BLACAT1: variants seen among roughly 807,000 people sequenced by gnomAD.
BLACAT1 encodes the protein BLACAT1 overlapping LEMD1 locus.
intron 1 of BLACAT1, among the ~76,000 whole-genome samples, chr1:205,452,398 A>G (rs1175902637): frequency 6.6e-6 from 1 of 152,216 alleles, no homozygotes; most frequent in Non-Finnish European, 1.5e-5. Context: ...AGAAAGTCAC[A>G]GAGGGAAGGG....
At chr1:205,438,515 A>G (rs553793993), downstream of BLACAT1, among the ~76,000 whole-genome samples, 1 of 152,334 alleles carries the variant, frequency 6.6e-6, no homozygotes, top group East Asian at 1.9e-4. Context: ...AGAGGAGGGC[A>G]CAGGTGTCCA....
intron 1 of BLACAT1, among the ~76,000 whole-genome samples, chr1:205,443,490 CAGAGG>C (rs1204712535): frequency 6.6e-6 from 1 of 152,118 alleles, no homozygotes; most frequent in Non-Finnish European, 1.5e-5. Flanking sequence ...ACCTACACAT[CAGAGG>C]AAAGGAGAGC....
chr1:205,450,128 G>A lies in BLACAT1; in HGVS notation c.-37+5789C>T, dbSNP rs1389593106. 6.6e-6 allele frequency among the ~76,000 whole-genome samples: 1 copy of A among 152,078 alleles called. No homozygotes were observed. The highest frequency in any genetic ancestry group is 1.5e-5 in the Non-Finnish European group (1 of 67,998). On this transcript the variant is annotated intron_variant, in intron 1 of 1. Transcript: ENST00000629624. The surrounding 1 kb of genome is among the most constrained non-coding windows in gnomAD (Gnocchi z 4.4). ...TGGGGGTGGGGGTGGGGGCGGGCTGGGCAGGCGGGGCAGCCAGGTATTCCT... is the reference window on the plus strand; with the variant it reads ...TGGGGGTGGGGGTGGGGGCGGGCTGAGCAGGCGGGGCAGCCAGGTATTCCT...
intron 1 of BLACAT1, among the ~76,000 whole-genome samples, chr1:205,451,896 T>C (rs1666502119): frequency 6.6e-6 from 1 of 152,008 alleles, no homozygotes; most frequent in South Asian, 2.1e-4. Flanking sequence ...GATGGGCATT[T>C]TTTGCTCTTA....
intron 1 of BLACAT1, among the ~76,000 whole-genome samples, chr1:205,449,570 A>AACAGCACAGC (rs1200218042): frequency 1.3e-5 from 2 of 152,096 alleles, no homozygotes; most frequent in East Asian, 1.9e-4. Context: ...ATTCCCCAAC[A>AACAGCACAGC]ACAGCACAGC....
intron 1 of BLACAT1, among the ~76,000 whole-genome samples, chr1:205,446,935 TC>T (rs1205844379): frequency 6.6e-6 from 1 of 151,618 alleles, no homozygotes; most frequent in Non-Finnish European, 1.5e-5. Context: ...ATCCCCCCGC[TC>T]CCCCCGACCT....
chr1:205,447,585 G>A (rs1355081156), intron 1 of BLACAT1, among the ~76,000 whole-genome samples: 1 of 152,020 alleles, frequency 6.6e-6, no homozygotes, highest in Non-Finnish European at 1.5e-5. Context: ...GGGGGCAGGG[G>A]AAGGAATGTG....
intron 1 of BLACAT1, among the ~76,000 whole-genome samples, chr1:205,446,482 T>A (rs956540848): frequency 6.6e-6 from 1 of 152,198 alleles, no homozygotes; most frequent in African/African-American, 2.4e-5. Context: ...AGGTATAATC[T>A]CTGGAATGGC....
chr1:205,450,129 G>T lies in BLACAT1; in HGVS notation c.-37+5788C>A, dbSNP rs1313072654. ...GGGGGTGGGGGTGGGGGCGGGCTGG[G>T]CAGGCGGGGCAGCCAGGTATTCCTT... On this transcript the variant is annotated intron_variant, in intron 1 of 1. Coordinates refer to ENST00000629624, the Ensembl canonical transcript of BLACAT1. This position sits in a 1 kb window ranked among gnomAD's most constrained non-coding sequence, Gnocchi z 4.4. Among the ~76,000 whole-genome samples, 1 of 152,120 alleles carries T rather than the reference G, an allele frequency of 6.6e-6. No homozygotes were observed. The highest frequency in any genetic ancestry group is 1.5e-5 in the Non-Finnish European group (1 of 67,990).
chr1:205,454,118 AT>A (rs1478831430), intron 1 of BLACAT1, among the ~76,000 whole-genome samples: 1 of 152,134 alleles, frequency 6.6e-6, no homozygotes, highest in Non-Finnish European at 1.5e-5. Flanking sequence ...GACACCACTC[AT>A]TTATCAAATA....
rs1666445680 is a variant in BLACAT1 at position 205,448,703 on chromosome 1, C to A, written c.-37+7214G>T. ...ATTCCCTTAATTAGCTTCCAGCCCC[C>A]TGCCCAGGGTCCTTAACTACCCCTT... On this transcript the variant is annotated intron_variant, in intron 1 of 1. Coordinates refer to ENST00000629624, the Ensembl canonical transcript of BLACAT1. The surrounding 1 kb of genome is among the most constrained non-coding windows in gnomAD (Gnocchi z 4.7). Among the ~76,000 whole-genome samples the A allele has an allele frequency of 6.6e-6, 1 of 152,154 alleles. No homozygotes were observed. The highest frequency in any genetic ancestry group is 2.4e-5 in the African/African-American group (1 of 41,428).
intron 1 of BLACAT1, among the ~76,000 whole-genome samples, chr1:205,446,378 A>C (rs1666389662): frequency 6.6e-6 from 1 of 152,080 alleles, no homozygotes; most frequent in Non-Finnish European, 1.5e-5. Context: ...TACCTCTTTT[A>C]CCCCATCCAT....
chr1:205,453,831 C>A (rs1410147425), intron 1 of BLACAT1, among the ~76,000 whole-genome samples: 2 of 152,192 alleles, frequency 1.3e-5, no homozygotes, highest in Non-Finnish European at 2.9e-5. Flanking sequence ...TTTTGCCTCT[C>A]AGCCAATAAA....
At chr1:205,454,622 G>A (rs1666540919) in intron 1 of BLACAT1, among the ~76,000 whole-genome samples, 1 of 152,192 alleles carries the variant, frequency 6.6e-6, no homozygotes, top group East Asian at 1.9e-4. Flanking sequence ...AGCCGGCATT[G>A]AATGACTGAG....
exon 3 of BLACAT1, chr1:205,434,887 A>G (rs1666180371): frequency 6.6e-6 from 1 of 152,244 alleles, no homozygotes; most frequent in Admixed American, 6.5e-5. Flanking sequence ...GCAAAGGGAT[A>G]TAATAAAGTC....
intron 1 of BLACAT1, among the ~76,000 whole-genome samples, chr1:205,454,021 A>G (rs897315706): frequency 1.3e-4 from 20 of 152,152 alleles, no homozygotes; most frequent in African/African-American, 4.8e-4. Flanking sequence ...CCAAAGAACT[A>G]TGGAACTGGG....
chr1:205,449,601 C>T (rs1666459700), intron 1 of BLACAT1, among the ~76,000 whole-genome samples: 1 of 150,554 alleles, frequency 6.6e-6, no homozygotes, highest in South Asian at 2.1e-4. Context: ...ACACAGCACA[C>T]AGCACAGCAC....
exon 1 of BLACAT1, chr1:205,455,986 T>TC (rs928318768): frequency 1.3e-5 from 2 of 152,256 alleles, no homozygotes; most frequent in Non-Finnish European, 2.9e-5. Context: ...TCTCTCTCTC[T>TC]CCCCCTCACC....
At chr1:205,444,666 C>T (rs1666352673) in intron 1 of BLACAT1, among the ~76,000 whole-genome samples, 1 of 152,166 alleles carries the variant, frequency 6.6e-6, no homozygotes, top group South Asian at 2.1e-4. Flanking sequence ...CCCAGGCTTG[C>T]AGACCACAAA....
Sources: gnomAD v4.1 joint callset for allele counts (sites outside exome capture counted in the v4.1 genomes callset) on GRCh38, gnomAD v4.1.1 for gene constraint, Gnocchi (gnomAD v3.1) non-coding constraint, MANE v1.5 for transcripts, NCBI Gene and HGNC (gene_info 2026-07-23, HGNC 2026-07-21) for gene names.